ACSS1: variants seen among roughly 807,000 people sequenced by gnomAD.
ACSS1 encodes acyl-CoA synthetase short chain family member 1.
In ACSS1, 42 loss-of-function variants were observed where a neutral mutation model predicts 75.3. The observed-to-expected ratio is 0.56, with a 90% CI of 0.44 to 0.72. ACSS1 has a LOEUF of 0.72. Among genes scored for constraint, ACSS1 ranks in the 30% least tolerant of loss-of-function variants. The pLI, the probability that ACSS1 is intolerant of heterozygous loss-of-function variation, is 0.00. For synonymous variants in ACSS1, 380 were observed against 376.8 expected (o/e 1.01, Z -0.10); for missense variants, 782 against 935.7 (o/e 0.84, Z 2.14).
intron 3 of ACSS1, among the ~76,000 whole-genome samples, chr20:25,029,009 A>C (rs1000452775): frequency 5.1e-4 from 78 of 152,360 alleles, no homozygotes; most frequent in African/African-American, 1.8e-3. Flanking sequence ...AGACACAAGC[A>C]ACAAAATAAA....
rs574459829 is a variant in ACSS1 at position 25,057,594 on chromosome 20, C to G, written c.334+175G>C. On this transcript the variant is annotated intron_variant, in intron 1 of 13. Transcript: ENST00000323482. ...ATCTGGGGCCCGATGGGATGAGGGA[C>G]GGGGTGACGTGGAGCCACTGCTTAG... is the stretch of plus-strand genomic sequence containing the variant. Among the ~76,000 whole-genome samples, 17 of 152,238 alleles carry G rather than the reference C, an allele frequency of 1.1e-4. 1 individual carries two copies. The East Asian group carries it at 3.3e-3, about 29-fold the overall frequency.
At chr20:25,027,406 A>C (rs2088738700) in intron 3 of ACSS1, among the ~76,000 whole-genome samples, 1 of 152,240 alleles carries the variant, frequency 6.6e-6, no homozygotes, top group African/African-American at 2.4e-5. Context: ...AATGCTAGCA[A>C]ACTGTATCCA....
In ACSS1 at chr20:25,006,511, T is replaced by TG. The variant is rs2122562085; in HGVS notation, c.*1250dup. 1 of 251,860 alleles carries TG rather than the reference T, an allele frequency of 4.0e-6. No homozygotes were observed. Among genetic ancestry groups the TG allele is most frequent in the Non-Finnish European group, 7.8e-6 (1 of 128,082 alleles). The allele number at this position is 251,860 out of a possible 1,614,324, so 15.6% of individuals were successfully genotyped here. ...AGAGGCCAGCACAACCACGACCGAG[T>TG]GGGTACTCAGTGGCCCAGACACCCC... is the stretch of plus-strand genomic sequence containing the variant. On this transcript the variant is annotated 3_prime_UTR_variant, in exon 14 of 14. Transcript: ENST00000323482.
intron 5 of ACSS1, among the ~76,000 whole-genome samples, chr20:25,021,878 C>T (rs796253493): frequency 6.6e-6 from 1 of 152,300 alleles, no homozygotes; most frequent in African/African-American, 2.4e-5. Context: ...TATTCTTCCA[C>T]AGCAACTGAG....
At position 25,014,056 on chromosome 20, in the gene ACSS1, T is replaced by C. The variant is rs1600308641; in HGVS notation, c.1357A>G (p.Ile453Val). The change falls in exon 9 of 14, where the codon ATC becomes GTC. Residue 453 changes from isoleucine (I) to valine (V), a missense_variant. Physicochemically the swap from Ile to Val is conservative, Grantham distance 29. Around this residue, in one of 2 missense-constraint regions of ACSS1, gnomAD observed 405 missense variants for 552.6 expected, o/e 0.73. Transcript: ENST00000323482. ...WWQTETGGIC[I>V]APRPSEEGAE... The stretch of plus-strand genomic sequence containing the variant: ...CCTTCTTCCGAGGGCCGTGGTGCGA[T>C]GCAGATGCCACCTGTTTCTGCAGGT... The C allele has an allele frequency of 2.5e-6, 4 of 1,610,992 alleles. No homozygotes were observed. The highest frequency in any genetic ancestry group is 3.4e-6 in the Non-Finnish European group (4 of 1,178,870).
In ACSS1 at chr20:25,012,796, C is replaced by A; in HGVS notation, c.1707+16G>T. On this transcript the variant is annotated intron_variant, in intron 11 of 13. Transcript: ENST00000323482. ...GGAGGTGTAGGAGTGAAGGAGGAGG[C>A]CCAGCCTGTGCTCACGATGGCGTCC... is the stretch of plus-strand genomic sequence containing the variant. 1 of 1,613,756 alleles carries A rather than the reference C, an allele frequency of 6.2e-7. No homozygotes were observed. The highest frequency in any genetic ancestry group is 1.1e-5 in the South Asian group (1 of 91,030).
intron 12 of ACSS1, chr20:25,011,221 C>T (rs1293594211): frequency 6.6e-6 from 1 of 152,348 alleles, no homozygotes; most frequent in Admixed American, 6.5e-5. Context: ...GCTAGGCCAC[C>T]CTATGAAAGA....
At chr20:25,050,945 G>T (rs1403655358) in intron 1 of ACSS1, among the ~76,000 whole-genome samples, 2 of 152,124 alleles carry the variant, frequency 1.3e-5, no homozygotes, top group Non-Finnish European at 2.9e-5. Flanking sequence ...CAGGTGGCCT[G>T]GGTCCAGCAG....
chr20:25,058,137 A>C lies in ACSS1; in HGVS notation c.-35T>G. ...CTACCTGAGCTCTCTGTGCTCCCAG[A>C]GTGGGTGCCTCACGCCCGGGGCGCC... On this transcript the variant is annotated 5_prime_UTR_variant, in exon 1 of 14. Coordinates refer to ENST00000323482, the MANE Select transcript of ACSS1 (RefSeq NM_032501.4). The C allele has an allele frequency of 8.2e-7, 1 of 1,224,130 alleles. No homozygotes were observed. The highest frequency in any genetic ancestry group is 1.0e-6 in the Non-Finnish European group (1 of 981,906). The allele number at this position is 1,224,130 out of a possible 1,614,324, so 75.8% of individuals were successfully genotyped here.
intron 2 of ACSS1, among the ~76,000 whole-genome samples, chr20:25,035,467 G>T (rs1203232376): frequency 6.6e-6 from 1 of 151,552 alleles, no homozygotes; most frequent in Non-Finnish European, 1.5e-5. Context: ...GTGCAGGGGT[G>T]CCATCTCCGC....
rs545147750 is a variant in ACSS1 at position 25,055,804 on chromosome 20, G to A, written c.334+1965C>T. On this transcript the variant is annotated intron_variant, in intron 1 of 13. Coordinates refer to ENST00000323482, the MANE Select transcript of ACSS1 (RefSeq NM_032501.4). Reference sequence around the variant, plus strand: ...CCATCTGACTTTATCACACACAGCTGACAGATCAGACCAAAGTGTTCTCAT... The same window carrying A: ...CCATCTGACTTTATCACACACAGCTAACAGATCAGACCAAAGTGTTCTCAT... Among the ~76,000 whole-genome samples, 21 of 152,306 alleles carry A rather than the reference G, an allele frequency of 1.4e-4. No homozygotes were observed. In the Middle Eastern group the frequency reaches 0.01, roughly 74 times the overall value.
intron 1 of ACSS1, among the ~76,000 whole-genome samples, chr20:25,049,455 C>A (rs1203686795): frequency 6.6e-6 from 1 of 152,166 alleles, no homozygotes; most frequent in Non-Finnish European, 1.5e-5. Context: ...CTGATCAAGG[C>A]CCCACACTGA....
At chr20:25,043,747 C>A (rs1049785092) in intron 2 of ACSS1, among the ~76,000 whole-genome samples, 2 of 152,218 alleles carry the variant, frequency 1.3e-5, no homozygotes, top group Non-Finnish European at 2.9e-5. Context: ...CCTGTGCTTC[C>A]TCACAGACTC....
At chr20:25,041,119 G>A (rs1474796622) in intron 2 of ACSS1, among the ~76,000 whole-genome samples, 4 of 152,078 alleles carry the variant, frequency 2.6e-5, no homozygotes, top group African/African-American at 7.2e-5. Flanking sequence ...TTAGCCGGGC[G>A]TGGTGGCAGG....
At chr20:25,035,976 C>T (rs2088902222) in intron 2 of ACSS1, among the ~76,000 whole-genome samples, 2 of 152,204 alleles carry the variant, frequency 1.3e-5, no homozygotes, top group Non-Finnish European at 2.9e-5. Context: ...TGACTGGTGC[C>T]TTGGGCTACA....
intron 3 of ACSS1, among the ~76,000 whole-genome samples, chr20:25,027,993 A>G (rs910425146): frequency 3.9e-5 from 6 of 152,180 alleles, no homozygotes; most frequent in African/African-American, 1.4e-4. Flanking sequence ...CAATCTGTAA[A>G]GGAAATTAGG....
chr20:25,045,110 C>A (rs776619565), intron 2 of ACSS1, among the ~76,000 whole-genome samples: 1 of 152,256 alleles, frequency 6.6e-6, no homozygotes, highest in Non-Finnish European at 1.5e-5. Context: ...ATTATCACGG[C>A]TATTCTTACT....
chr20:25,033,097 G>A (rs2088854657), intron 2 of ACSS1, among the ~76,000 whole-genome samples: 2 of 152,178 alleles, frequency 1.3e-5, no homozygotes, highest in African/African-American at 4.8e-5. Context: ...CTGCTACTCC[G>A]GGGAGGAGGC....
intron 2 of ACSS1, among the ~76,000 whole-genome samples, chr20:25,031,999 C>G (rs536656079): frequency 6.6e-6 from 1 of 152,306 alleles, no homozygotes; most frequent in Non-Finnish European, 1.5e-5. Context: ...GTGAAGACCG[C>G]AAGCAGGGCA....
Sources: gnomAD v4.1 joint callset for allele counts (sites outside exome capture counted in the v4.1 genomes callset) on GRCh38, gnomAD v4.1.1 for gene constraint, gnomAD v4.1.1 regional missense constraint, MANE v1.5 for transcripts, NCBI Gene and HGNC (gene_info 2026-07-23, HGNC 2026-07-21) for gene names.